GALNT13: variants seen among roughly 807,000 people sequenced by gnomAD.
The protein encoded by GALNT13 is UDP-GalNAc:polypeptide N-acetylgalactosaminyltransferase 13.
A neutral mutation model predicts 64.2 loss-of-function variants in GALNT13; 28 were observed. That is an observed-to-expected ratio of 0.44 (90% confidence interval 0.32 to 0.60). The LOEUF (loss-of-function observed/expected upper bound fraction) is 0.60, where lower values mean the gene tolerates loss of function less well. Among genes scored for constraint, GALNT13 ranks in the 20% least tolerant of loss-of-function variants. The pLI is 0.05. For missense variants in GALNT13, 577 were observed against 669.8 expected (o/e 0.86, Z 1.53); for synonymous variants, 214 against 224.6 (o/e 0.95, Z 0.42).
the GALNT13 span, among the ~76,000 whole-genome samples, chr2:153,677,828 T>C: frequency 6.6e-6 from 1 of 152,124 alleles, no homozygotes; most frequent in Non-Finnish European, 1.5e-5. Flanking sequence ...TGCCTAGTCA[T>C]GTACTTAAGA....
chr2:153,592,055 G>A, the GALNT13 span, among the ~76,000 whole-genome samples: 1 of 144,294 alleles, frequency 6.9e-6, no homozygotes, highest in African/African-American at 2.7e-5. Flanking sequence ...CTGACAAATG[G>A]TTAACAGATT....
the GALNT13 span, among the ~76,000 whole-genome samples, chr2:153,481,580 A>G: frequency 1.3e-5 from 2 of 152,304 alleles, no homozygotes; most frequent in South Asian, 4.1e-4. Context: ...TTATTTAACT[A>G]GTGTCCTCTT....
At chr2:153,942,159 A>T (rs1691384005) in intron 2 of GALNT13, among the ~76,000 whole-genome samples, 1 of 152,080 alleles carries the variant, frequency 6.6e-6, no homozygotes, top group African/African-American at 2.4e-5. Context: ...TAAATTCTTT[A>T]TCTTGATTAA....
intron 8 of GALNT13, among the ~76,000 whole-genome samples, chr2:154,284,550 C>T (rs979533834): frequency 6.6e-6 from 1 of 150,760 alleles, no homozygotes; most frequent in African/African-American, 2.4e-5. Context: ...CACACACACA[C>T]ATATATATGT....
chr2:153,863,808 A>C, the GALNT13 span, among the ~76,000 whole-genome samples: 1 of 152,198 alleles, frequency 6.6e-6, no homozygotes. Context: ...GCAATGATAC[A>C]GTCTCTACCT....
intron 4 of GALNT13, among the ~76,000 whole-genome samples, chr2:154,152,145 G>A (rs562210226): frequency 5.6e-4 from 85 of 152,214 alleles, no homozygotes; most frequent in Admixed American, 1.4e-3. Context: ...AAATCTCTCA[G>A]CATTTGCTTG....
chr2:153,298,748 C>A, the GALNT13 span, among the ~76,000 whole-genome samples: 1 of 152,076 alleles, frequency 6.6e-6, no homozygotes, highest in African/African-American at 2.4e-5. Flanking sequence ...TAATGCTTAA[C>A]CAAACCCAAG....
Position 154,453,027 on chromosome 2 carries a change from C to T in GALNT13, c.*2476C>T, listed in dbSNP as rs1417489892. ...ACTCCTCTATTTCTGTTTCAACTCT[C>T]GTCTAATCCAACAGCAAATCCCCTT... On this transcript the variant is annotated 3_prime_UTR_variant, in exon 13 of 13. Coordinates refer to ENST00000392825, the MANE Select transcript of GALNT13 (RefSeq NM_052917.4). 1 of 152,152 alleles carries T rather than the reference C, an allele frequency of 6.6e-6. No individual in the cohort carries two copies. Among genetic ancestry groups the T allele is most frequent in the East Asian group, 1.9e-4 (1 of 5,190 alleles). The allele number at this position is 152,152 out of a possible 1,614,324, so 9.4% of individuals were successfully genotyped here. A position where few individuals can be genotyped will look rare whatever the true frequency, so the allele number is the denominator to read the frequency against.
Position 153,959,117 on chromosome 2 carries a change from G to C in GALNT13, c.142+14478G>C, listed in dbSNP as rs561862768. The stretch of plus-strand genomic sequence containing the variant: ...AAAGGCAAGACCAATATTCCCCTAG[G>C]GGGAGGGGCTATAACCCACCATACT... On this transcript the variant is annotated intron_variant, in intron 3 of 12. Coordinates refer to ENST00000392825, the MANE Select transcript of GALNT13 (RefSeq NM_052917.4). Among the ~76,000 whole-genome samples, 39 of 152,236 alleles carry C rather than the reference G, an allele frequency of 2.6e-4. 1 individual carries two copies. The highest frequency in any genetic ancestry group is 2.1e-4 in the South Asian group (1 of 4,832).
the GALNT13 span, among the ~76,000 whole-genome samples, chr2:153,202,165 T>C: frequency 6.6e-6 from 1 of 151,954 alleles, no homozygotes; most frequent in South Asian, 2.1e-4. Context: ...TTTGTATTTT[T>C]AGTAGAGACG....
the GALNT13 span, among the ~76,000 whole-genome samples, chr2:153,608,704 A>T: frequency 6.8e-6 from 1 of 147,784 alleles, no homozygotes; most frequent in Non-Finnish European, 1.5e-5. Context: ...AAATATATTC[A>T]TATATAAATA....
chr2:153,521,197 T>C, the GALNT13 span, among the ~76,000 whole-genome samples: 1 of 152,196 alleles, frequency 6.6e-6, no homozygotes, highest in African/African-American at 2.4e-5. Flanking sequence ...AACATTCTTT[T>C]AACTCATTCT....
At chr2:153,888,664 C>T (rs1687348955) in intron 1 of GALNT13, among the ~76,000 whole-genome samples, 1 of 151,880 alleles carries the variant, frequency 6.6e-6, no homozygotes, top group African/African-American at 2.4e-5. Context: ...ACTTTGTAAA[C>T]AATTTCTACA....
In GALNT13 at chr2:154,366,040, G is replaced by A. The variant is rs1482712911; in HGVS notation, c.1157-29951G>A. 3.9e-5 allele frequency among the ~76,000 whole-genome samples: 6 copies of A among 152,056 alleles called. No individual in the cohort carries two copies. The East Asian group carries it at 1.2e-3, about 29-fold the overall frequency. On this transcript the variant is annotated intron_variant, in intron 9 of 12. Coordinates refer to ENST00000392825, the MANE Select transcript of GALNT13 (RefSeq NM_052917.4). ...TCATTGATGAGAACTAAAGCCTGTT[G>A]ATGTGTTCCTGTAATTTTAATTAAT...
At chr2:153,240,132 T>C in the GALNT13 span, among the ~76,000 whole-genome samples, 1 of 152,214 alleles carries the variant, frequency 6.6e-6, no homozygotes, top group African/African-American at 2.4e-5. Context: ...TAACCTCTAA[T>C]AGTCCTTTAA....
chr2:154,106,234 G>T (rs1702609106), intron 3 of GALNT13, among the ~76,000 whole-genome samples: 1 of 151,942 alleles, frequency 6.6e-6, no homozygotes, highest in South Asian at 2.1e-4. Context: ...GCTTTTGTTG[G>T]TATATTTACA....
the GALNT13 span, among the ~76,000 whole-genome samples, chr2:153,465,250 T>C: frequency 6.6e-6 from 1 of 151,996 alleles, no homozygotes; most frequent in African/African-American, 2.4e-5. Flanking sequence ...GCAACTACAG[T>C]ATTGTTGAAA....
the GALNT13 span, among the ~76,000 whole-genome samples, chr2:153,426,205 G>C: frequency 6.6e-6 from 1 of 151,790 alleles, no homozygotes; most frequent in Non-Finnish European, 1.5e-5. Flanking sequence ...TGGAGATTGA[G>C]AGTTTTAGAT....
the GALNT13 span, among the ~76,000 whole-genome samples, chr2:153,409,128 G>T: frequency 5.3e-5 from 8 of 151,994 alleles, no homozygotes; most frequent in African/African-American, 1.9e-4. Context: ...AGGCTGCATT[G>T]TCCATTGCCT....
Sources: allele counts gnomAD v4.1 joint callset (sites outside exome capture counted in the v4.1 genomes callset), GRCh38; gene constraint gnomAD v4.1.1; transcripts MANE v1.5; gene names NCBI Gene and HGNC (gene_info 2026-07-23, HGNC 2026-07-21).